TTC21B: variants seen among roughly 807,000 people sequenced by gnomAD.
The protein encoded by TTC21B is tetratricopeptide repeat protein 21B.
In TTC21B, 127 loss-of-function variants were observed where a neutral mutation model predicts 175.1. That is an observed-to-expected ratio of 0.73 (90% CI 0.63 to 0.84). The LOEUF (loss-of-function observed/expected upper bound fraction) is 0.84, where lower values mean the gene tolerates loss of function less well. TTC21B is among the 40% of genes least tolerant of loss of function. TTC21B has a pLI of 0.00. For synonymous variants in TTC21B, 524 were observed against 524.5 expected, an observed-to-expected ratio of 1.00 and a Z score of 0.01; for missense variants, 1,561 against 1,558.3, an observed-to-expected ratio of 1.00 and a Z score of -0.03.
At chr2:165,884,976 C>A (rs940608616) in intron 25 of TTC21B, among the ~76,000 whole-genome samples, 4 of 152,104 alleles carry the variant, frequency 2.6e-5, no homozygotes, top group African/African-American at 9.7e-5. Context: ...GAGACCTCGC[C>A]TCAACTGAAA....
chr2:165,878,015 T>C lies in TTC21B; in HGVS notation c.3806-1783A>G, dbSNP rs369018463. Among the ~76,000 whole-genome samples, 14 of 152,314 alleles carry C rather than the reference T, an allele frequency of 9.2e-5. No homozygotes were observed. The Middle Eastern group carries it at 0.01, about 111-fold the overall frequency. ...GGTTTCTTGACTAGCTTTGGGATCT[T>C]ACGCAAGTGGCTTGAGCTGTCATTT... On this transcript the variant is annotated intron_variant, in intron 27 of 28. Transcript: ENST00000243344.
chr2:165,889,571 C>T (rs555050289), intron 24 of TTC21B, among the ~76,000 whole-genome samples: 1 of 152,144 alleles, frequency 6.6e-6, no homozygotes, highest in East Asian at 1.9e-4. Context: ...AGTTCCATAA[C>T]AGTAATGTTA....
At chr2:165,910,425 A>C (rs571111258) in intron 18 of TTC21B, among the ~76,000 whole-genome samples, 86 of 152,068 alleles carry the variant, frequency 5.7e-4, no homozygotes, top group African/African-American at 2.0e-3. Context: ...ATCTTAAAAA[A>C]GTAAATTTTT....
intron 6 of TTC21B, among the ~76,000 whole-genome samples, chr2:165,939,566 T>A (rs1269777531): frequency 6.6e-6 from 1 of 152,194 alleles, no homozygotes; most frequent in Non-Finnish European, 1.5e-5. Flanking sequence ...AATATATTTA[T>A]TCTTGATCTC....
intron 5 of TTC21B, among the ~76,000 whole-genome samples, chr2:165,942,807 C>A (rs1237160711): frequency 6.6e-6 from 1 of 152,176 alleles, no homozygotes; most frequent in Non-Finnish European, 1.5e-5. Context: ...ATACTTATCA[C>A]CTTCTAATAT....
chr2:165,927,095 TATATATATATATATATCCTAGTAG>T (rs757761065), intron 11 of TTC21B, among the ~76,000 whole-genome samples: 1,439 of 47,050 alleles, frequency 0.031, 403 homozygotes, highest in African/African-American at 0.11. Context: ...TCCTAGTAGA[TATATATATATATATATCCTAGTAG>T]ATATATATAT....
intron 6 of TTC21B, among the ~76,000 whole-genome samples, chr2:165,939,613 T>G (rs1037046445): frequency 1.3e-5 from 2 of 152,184 alleles, no homozygotes; most frequent in African/African-American, 2.4e-5. Context: ...ATCATATCTA[T>G]GTGTCAGTGA....
At chr2:165,944,491 C>T (rs969244478) in intron 4 of TTC21B, among the ~76,000 whole-genome samples, 3 of 152,058 alleles carry the variant, frequency 2.0e-5, no homozygotes, top group African/African-American at 4.8e-5. Context: ...TAGTGTAGTG[C>T]CTCAAAACCT....
At chr2:165,940,427 C>T (rs548635267) in intron 6 of TTC21B, among the ~76,000 whole-genome samples, 31 of 152,284 alleles carry the variant, frequency 2.0e-4, no homozygotes, top group African/African-American at 5.1e-4. Context: ...CCATCTAGCA[C>T]GGGCTCACTC....
intron 12 of TTC21B, among the ~76,000 whole-genome samples, chr2:165,923,121 T>C (rs1034788069): frequency 7.9e-5 from 12 of 152,048 alleles, no homozygotes; most frequent in African/African-American, 2.9e-4. Context: ...ATAGAAAGCT[T>C]CATATTGGGT....
intron 12 of TTC21B, among the ~76,000 whole-genome samples, chr2:165,920,947 G>T (rs913575420): frequency 6.6e-6 from 1 of 152,100 alleles, no homozygotes; most frequent in Admixed American, 6.6e-5. Flanking sequence ...CTGTCTGTCT[G>T]TCTTTGTCAG....
intron 13 of TTC21B, 103 bp downstream of exon 13, chr2:165,919,173 G>C (rs1252763752): frequency 7.4e-7 from 1 of 1,358,844 alleles, no homozygotes; most frequent in African/African-American, 1.4e-5. Flanking sequence ...CATTAAAAAT[G>C]CAACTGTTAG....
At chr2:165,927,686 C>T (rs1384093740) in intron 11 of TTC21B, among the ~76,000 whole-genome samples, 1 of 151,220 alleles carries the variant, frequency 6.6e-6, no homozygotes, top group African/African-American at 2.4e-5. Flanking sequence ...AAATGTATTC[C>T]AACTTCCAAG....
chr2:165,881,046 T>A (rs1417233337), intron 26 of TTC21B, among the ~76,000 whole-genome samples: 1 of 152,164 alleles, frequency 6.6e-6, no homozygotes, highest in Non-Finnish European at 1.5e-5. Context: ...ATAGGGCACT[T>A]GTGTTTTACA....
In TTC21B at chr2:165,901,717, C is replaced by G. The variant is rs764028101; in HGVS notation, c.2757+5G>C. 1.7e-5 allele frequency: 27 copies of G among 1,612,662 alleles called. No homozygotes were observed. Among genetic ancestry groups the G allele is most frequent in the Non-Finnish European group, 2.2e-5 (26 of 1,178,828 alleles). On this transcript the variant is annotated splice_donor_5th_base_variant and intron_variant, in intron 20 of 28. Coordinates refer to ENST00000243344, the MANE Select transcript of TTC21B (RefSeq NM_024753.5). ...AGGTATTTAAAATTTTATAAAGGTA[C>G]TGACCTTATTATCTGTTTCGCAGTG...
At chr2:165,918,947 T>C (rs1389202992) in intron 13 of TTC21B, among the ~76,000 whole-genome samples, 2 of 152,188 alleles carry the variant, frequency 1.3e-5, no homozygotes, top group Non-Finnish European at 2.9e-5. Flanking sequence ...ATAAGGATCA[T>C]CATTTTTATA....
Position 165,901,910 on chromosome 2 carries a change from C to T in TTC21B, c.2569G>A (p.Ala857Thr), listed in dbSNP as rs190101048. 1.4e-4 allele frequency: 220 copies of T among 1,612,346 alleles called. No individual in the cohort carries two copies. The East Asian group carries it at 4.8e-3, about 35-fold the overall frequency. The change falls in exon 20 of 29, where the codon GCT (alanine) becomes ACT (threonine). Residue 857 changes from alanine (A) to threonine (T), a missense_variant and splice_region_variant. Physicochemically the swap from Ala to Thr is moderately conservative, Grantham distance 58 (BLOSUM62 0). Transcript: ENST00000243344. The stretch of plus-strand genomic sequence containing the variant: ...AGTACCCGAGCTTGTAATTCTCGAG[C>T]CTAGAAAAAATCAGTATAAAAGGGA... ...LGDAITALQQ[A>T]RELQARVLKR...
chr2:165,945,489 T>A, intron 4 of TTC21B, 35 bp downstream of exon 4: 1 of 1,585,086 alleles, frequency 6.3e-7, no homozygotes, highest in Non-Finnish European at 8.6e-7. Flanking sequence ...AAGCATTTTT[T>A]AATGTTATTA....
chr2:165,907,386 A>C (rs1432513732), intron 19 of TTC21B, among the ~76,000 whole-genome samples: 1 of 152,200 alleles, frequency 6.6e-6, no homozygotes, highest in Admixed American at 6.5e-5. Context: ...ATGGAGGAAG[A>C]AAGCACTAAG....
Sources: allele counts gnomAD v4.1 joint callset (sites outside exome capture counted in the v4.1 genomes callset), GRCh38; gene constraint gnomAD v4.1.1; transcripts MANE v1.5; gene names NCBI Gene and HGNC (gene_info 2026-07-23, HGNC 2026-07-21).